Variants in ZFPM2 observed in about 807,000 individuals in gnomAD.
The protein encoded by ZFPM2 is zinc finger protein, FOG family member 2, also known as zinc finger protein ZFPM2.
In ZFPM2, 20 loss-of-function variants were observed where a neutral mutation model predicts 98.6. The observed-to-expected ratio is 0.20, with a 90% CI of 0.14 to 0.29. The LOEUF (loss-of-function observed/expected upper bound fraction) is 0.29. Ranked by LOEUF, ZFPM2 falls within the 10% of genes least tolerant of loss-of-function variation. The pLI, the probability that ZFPM2 is intolerant of heterozygous loss-of-function variation, is 1.00. For missense variants in ZFPM2, 1,310 were observed against 1,388.6 expected, an observed-to-expected ratio of 0.94 and a Z score of 0.90; for synonymous variants, 518 against 502.7, an observed-to-expected ratio of 1.03 and a Z score of -0.41.
At chr8:105,729,777 T>C (rs1457980674) in intron 5 of ZFPM2, among the ~76,000 whole-genome samples, 2 of 151,648 alleles carry the variant, frequency 1.3e-5, no homozygotes, top group African/African-American at 4.8e-5. Flanking sequence ...GAAATGTCTT[T>C]CTCATTGTCA....
At chr8:105,751,736 G>A (rs1812481600) in intron 5 of ZFPM2, among the ~76,000 whole-genome samples, 1 of 151,434 alleles carries the variant, frequency 6.6e-6, no homozygotes, top group South Asian at 2.1e-4. Flanking sequence ...GGAGGGCTAC[G>A]TTTATGTAGC....
intron 5 of ZFPM2, among the ~76,000 whole-genome samples, chr8:105,669,538 G>T (rs13264847): frequency 0.049 from 6,298 of 127,328 alleles, 138 homozygotes; most frequent in African/African-American, 0.078. Flanking sequence ...AAGTGTGCAT[G>T]TGTGTGTGTG....
intron 4 of ZFPM2, among the ~76,000 whole-genome samples, chr8:105,562,010 T>C (rs72673748): frequency 0.012 from 1,885 of 152,056 alleles, 25 homozygotes; most frequent in Non-Finnish European, 0.016. Context: ...ATTAGATGTT[T>C]TAAAAGTAAT....
intron 1 of ZFPM2, among the ~76,000 whole-genome samples, chr8:105,417,487 A>C (rs999721771): frequency 9.9e-5 from 15 of 152,086 alleles, no homozygotes; most frequent in Non-Finnish European, 1.5e-5. Context: ...TTGTTGTTAT[A>C]ATTACATTTG....
intron 1 of ZFPM2, among the ~76,000 whole-genome samples, chr8:105,343,384 T>C (rs917522005): frequency 6.6e-6 from 1 of 152,046 alleles, no homozygotes; most frequent in African/African-American, 2.4e-5. Flanking sequence ...TGTCTGGAGG[T>C]GAACCCCCAG....
Position 105,571,637 on chromosome 8 carries a change from T to A in ZFPM2, c.420+10156T>A, listed in dbSNP as rs188529600. 2.4e-4 allele frequency among the ~76,000 whole-genome samples: 36 copies of A among 152,336 alleles called. No homozygotes were observed. In the East Asian group the frequency reaches 6.9e-3, roughly 29 times the overall value. ...GCTTACATGGTTGTAACAAATATTG[T>A]GCCAGCATTATGAGGACTTAGCATC... On this transcript the variant is annotated intron_variant, in intron 4 of 7. Coordinates refer to ENST00000407775, the MANE Select transcript of ZFPM2 (RefSeq NM_012082.4).
chr8:105,419,949 C>T (rs1166017652), intron 2 of ZFPM2, among the ~76,000 whole-genome samples: 1 of 152,014 alleles, frequency 6.6e-6, no homozygotes, highest in African/African-American at 2.4e-5. Flanking sequence ...CATATATACT[C>T]ATTTGTTTAC....
intron 1 of ZFPM2, among the ~76,000 whole-genome samples, chr8:105,346,823 A>G (rs952205560): frequency 6.6e-6 from 1 of 152,204 alleles, no homozygotes; most frequent in African/African-American, 2.4e-5. Flanking sequence ...CTTCTGCTGC[A>G]AAATGACAGG....
intron 4 of ZFPM2, among the ~76,000 whole-genome samples, chr8:105,632,830 G>A (rs1816777866): frequency 6.6e-6 from 1 of 152,002 alleles, no homozygotes; most frequent in African/African-American, 2.4e-5. Context: ...AAATATTAAA[G>A]ATTAATGTAT....
At chr8:105,365,351 C>G (rs1304572867) in intron 1 of ZFPM2, among the ~76,000 whole-genome samples, 3 of 152,092 alleles carry the variant, frequency 2.0e-5, no homozygotes, top group Non-Finnish European at 4.4e-5. Flanking sequence ...TTGCTGAGAA[C>G]ATGTTTGCTG....
chr8:105,347,251 A>G (rs1233626699), intron 1 of ZFPM2, among the ~76,000 whole-genome samples: 5 of 152,082 alleles, frequency 3.3e-5, no homozygotes, highest in African/African-American at 4.8e-5. Context: ...TAAAAATTCA[A>G]TTTACTGATT....
At chr8:105,691,095 C>T (rs1810868402) in intron 5 of ZFPM2, among the ~76,000 whole-genome samples, 1 of 152,090 alleles carries the variant, frequency 6.6e-6, no homozygotes, top group African/African-American at 2.4e-5. Flanking sequence ...GGTATGTTAG[C>T]CTTCTTTTAA....
intron 5 of ZFPM2, among the ~76,000 whole-genome samples, chr8:105,743,087 A>G (rs140767090): frequency 7.7e-4 from 117 of 152,254 alleles, no homozygotes; most frequent in African/African-American, 2.1e-3. Flanking sequence ...AGGGGAAAGA[A>G]AATACTCCAC....
intron 6 of ZFPM2, among the ~76,000 whole-genome samples, chr8:105,792,392 G>A (rs1813642659): frequency 6.6e-6 from 1 of 152,174 alleles, no homozygotes; most frequent in Non-Finnish European, 1.5e-5. Context: ...CCATGTAGTT[G>A]AGCGGTTTTC....
In ZFPM2 at chr8:105,767,909, C is replaced by T. The variant is rs144828748; in HGVS notation, c.533-20809C>T. On this transcript the variant is annotated intron_variant, in intron 5 of 7. Transcript: ENST00000407775. The stretch of plus-strand genomic sequence containing the variant: ...CTATTTTTTCCTTCAGAAATGTACA[C>T]AGAACTGGGACAGGGAGTGAAGGAG... Among the ~76,000 whole-genome samples the T allele has an allele frequency of 1.6e-4, 24 of 151,884 alleles. No homozygotes were observed. In the East Asian group the frequency reaches 2.9e-3, roughly 18 times the overall value.
In ZFPM2 at chr8:105,804,514, G is replaced by A. The variant is rs1037885990; in HGVS notation, c.*976G>A. 10 of 152,518 alleles carry A rather than the reference G, an allele frequency of 6.6e-5. No homozygotes were observed. The highest frequency in any genetic ancestry group is 2.4e-4 in the African/African-American group (10 of 41,402). The allele number at this position is 152,518 out of a possible 1,614,324, so 9.4% of individuals were successfully genotyped here. ...TTGTTACTATGCATGTATATGGATG[G>A]AATAAAATTCCAGATTGTTGGAGAA... is the stretch of plus-strand genomic sequence containing the variant. On this transcript the variant is annotated 3_prime_UTR_variant, in exon 8 of 8. Coordinates refer to ENST00000407775, the MANE Select transcript of ZFPM2 (RefSeq NM_012082.4).
intron 3 of ZFPM2, among the ~76,000 whole-genome samples, chr8:105,470,783 A>G (rs1299150667): frequency 6.6e-6 from 1 of 152,168 alleles, no homozygotes; most frequent in Non-Finnish European, 1.5e-5. Context: ...ATCTAAAAAA[A>G]AAATAGAAAG....
chr8:105,425,931 T>G (rs772557066), intron 2 of ZFPM2, among the ~76,000 whole-genome samples: 3 of 152,210 alleles, frequency 2.0e-5, no homozygotes, highest in Non-Finnish European at 4.4e-5. Context: ...AACATCATAG[T>G]ATTTTGTTTC....
intron 3 of ZFPM2, chr8:105,528,775 G>A (rs1380964155): frequency 6.6e-6 from 1 of 152,104 alleles, no homozygotes; most frequent in Non-Finnish European, 1.5e-5. Context: ...AATATAGGAA[G>A]AAGTGGAGAT....
Sources: gnomAD v4.1 joint callset for allele counts (sites outside exome capture counted in the v4.1 genomes callset) on GRCh38, gnomAD v4.1.1 for gene constraint, MANE v1.5 for transcripts, NCBI Gene and HGNC (gene_info 2026-07-23, HGNC 2026-07-21) for gene names.